Variants in SLC14A2 observed in about 807,000 individuals in gnomAD.
The protein encoded by SLC14A2 is solute carrier family 14 member 2, also known as urea transporter 2.
In SLC14A2, 91 loss-of-function variants were observed where a neutral mutation model predicts 104.6. The observed-to-expected ratio is 0.87, with a 90% CI of 0.73 to 1.04. The LOEUF (loss-of-function observed/expected upper bound fraction) is 1.04, where lower values mean the gene tolerates loss of function less well. Ranked by LOEUF, SLC14A2 falls within the 50% of genes least tolerant of loss-of-function variation. The pLI is 0.00. For missense variants in SLC14A2, 1,189 were observed against 1,156.0 expected (o/e 1.03, Z -0.41); for synonymous variants, 476 against 466.4 (o/e 1.02, Z -0.27).
intron 2 of SLC14A2, among the ~76,000 whole-genome samples, chr18:45,538,997 G>A (rs1362571745): frequency 6.6e-6 from 1 of 151,674 alleles, no homozygotes; most frequent in Non-Finnish European, 1.5e-5. Flanking sequence ...GCAGGCCTGT[G>A]TAAAGCCTAT....
chr18:45,391,340 C>G lies in SLC14A2; in HGVS notation c.-124-91893C>G, dbSNP rs367692132. 1.2e-4 allele frequency among the ~76,000 whole-genome samples: 18 copies of G among 152,172 alleles called. 1 individual carries two copies. The highest frequency in any genetic ancestry group is 2.1e-4 in the Non-Finnish European group (14 of 68,036). On this transcript the variant is annotated intron_variant, in intron 1 of 20. Coordinates refer to the SLC14A2 transcript ENST00000586448. ...CAGTCTATCATTGTTGGACATTTGG[C>G]TTAGTTCCAAGTCTTTGCTATTGTG...
chr18:45,183,698 T>C, the SLC14A2 span, among the ~76,000 whole-genome samples: 2 of 151,588 alleles, frequency 1.3e-5, no homozygotes, highest in Non-Finnish European at 2.9e-5. Context: ...TTTCTCTCTG[T>C]CTCTCCTTCT....
At chr18:45,266,835 A>G (rs552328004) in intron 1 of SLC14A2, among the ~76,000 whole-genome samples, 1 of 152,306 alleles carries the variant, frequency 6.6e-6, no homozygotes, top group Admixed American at 6.5e-5. Context: ...GCTATAGGTC[A>G]GGGGTAAGGA....
intron 2 of SLC14A2, among the ~76,000 whole-genome samples, chr18:45,595,308 T>C (rs2044706070): frequency 6.6e-6 from 1 of 152,202 alleles, no homozygotes; most frequent in Non-Finnish European, 1.5e-5. Context: ...ATAGTTAACA[T>C]TTATTTTGCA....
intron 1 of SLC14A2, among the ~76,000 whole-genome samples, chr18:45,370,373 A>G (rs1363151733): frequency 6.6e-6 from 1 of 152,190 alleles, no homozygotes; most frequent in Non-Finnish European, 1.5e-5. Flanking sequence ...CAACTCTATC[A>G]TCTGCTCCGT....
At chr18:45,547,650 C>A (rs2043992116) in intron 2 of SLC14A2, among the ~76,000 whole-genome samples, 1 of 152,192 alleles carries the variant, frequency 6.6e-6, no homozygotes, top group South Asian at 2.1e-4. Context: ...ATTTAGTCTC[C>A]TTGACCCTTG....
At chr18:45,658,894 A>T (rs1323046875) in intron 10 of SLC14A2, among the ~76,000 whole-genome samples, 1 of 152,194 alleles carries the variant, frequency 6.6e-6, no homozygotes, top group East Asian at 1.9e-4. Context: ...ATCATGGCTC[A>T]TAACTGTTCT....
At chr18:45,217,655 T>A (rs2084022956) in intron 1 of SLC14A2, among the ~76,000 whole-genome samples, 1 of 152,208 alleles carries the variant, frequency 6.6e-6, no homozygotes, top group African/African-American at 2.4e-5. Context: ...ATAGACATGT[T>A]TTCTTGTAAG....
chr18:45,617,801 T>C (rs1485565553), intron 1 of SLC14A2, among the ~76,000 whole-genome samples: 1 of 152,098 alleles, frequency 6.6e-6, no homozygotes, highest in African/African-American at 2.4e-5. Context: ...GTGAAGCCAG[T>C]GCTCCCAGGG....
intron 1 of SLC14A2, among the ~76,000 whole-genome samples, chr18:45,331,254 A>G (rs1674746485): frequency 1.3e-5 from 2 of 152,226 alleles, no homozygotes; most frequent in South Asian, 4.1e-4. Flanking sequence ...AGTCTCCTGT[A>G]ATATCCCCTT....
chr18:45,431,558 T>TA (rs1380172828), intron 1 of SLC14A2, among the ~76,000 whole-genome samples: 1 of 152,242 alleles, frequency 6.6e-6, no homozygotes, highest in African/African-American at 2.4e-5. Flanking sequence ...GACAGTCACC[T>TA]AGCAAAGAAT....
intron 1 of SLC14A2, among the ~76,000 whole-genome samples, chr18:45,253,441 T>G (rs1006206447): frequency 8.6e-5 from 13 of 151,746 alleles, no homozygotes; most frequent in African/African-American, 3.2e-4. Context: ...CAATGCTTCT[T>G]AAAATAGTTG....
intron 1 of SLC14A2, among the ~76,000 whole-genome samples, chr18:45,357,125 C>T (rs1396283994): frequency 6.6e-6 from 1 of 152,012 alleles, no homozygotes; most frequent in East Asian, 1.9e-4. Flanking sequence ...GAGGAAGCTA[C>T]AGTGCTAAGA....
At chr18:45,360,763 T>G (rs1053374044) in intron 1 of SLC14A2, among the ~76,000 whole-genome samples, 37 of 152,192 alleles carry the variant, frequency 2.4e-4, no homozygotes, top group African/African-American at 8.9e-4. Flanking sequence ...GCCAACAATT[T>G]TAAAAATATG....
intron 2 of SLC14A2, among the ~76,000 whole-genome samples, chr18:45,598,743 T>G (rs1049582983): frequency 1.3e-5 from 2 of 152,192 alleles, no homozygotes; most frequent in East Asian, 1.9e-4. Context: ...TTGTCCTGAC[T>G]TTCTAACAAT....
At chr18:45,611,753 A>G (rs2044975084), upstream of SLC14A2, among the ~76,000 whole-genome samples, 1 of 152,114 alleles carries the variant, frequency 6.6e-6, no homozygotes, top group African/African-American at 2.4e-5. Context: ...TCCTGTGTCA[A>G]CTCACTGTGT....
At chr18:45,499,885 G>A (rs539644596) in intron 2 of SLC14A2, among the ~76,000 whole-genome samples, 12 of 152,274 alleles carry the variant, frequency 7.9e-5, no homozygotes, top group East Asian at 5.8e-4. Context: ...AGACCAGGGC[G>A]CCTGCCATTT....
chr18:45,498,840 C>T (rs893218775), intron 2 of SLC14A2, among the ~76,000 whole-genome samples: 30 of 152,202 alleles, frequency 2.0e-4, no homozygotes, highest in Non-Finnish European at 1.8e-4. Flanking sequence ...AAGGTTTCTG[C>T]ACTCACTGTC....
rs766949156 is a variant in SLC14A2 at position 45,669,323 on chromosome 18, C to T, written c.2054C>T (p.Ala685Val). 2.4e-5 allele frequency: 39 copies of T among 1,612,890 alleles called. No homozygotes were observed. Among genetic ancestry groups the T allele is most frequent in the Admixed American group, 3.3e-5 (2 of 59,972 alleles). The change falls in exon 16 of 20, where the codon GCC (alanine) becomes GTC (valine). Residue 685 changes from alanine (A) to valine (V), a missense_variant. Ala to Val is a moderately conservative substitution (Grantham distance 64). Coordinates refer to ENST00000255226, the MANE Select transcript of SLC14A2 (RefSeq NM_007163.4). ...GCCATCAGCCCCATCCTCTCCAGTG[C>T]CCTGGGTACCATCTTCAGCAAGTGG... is the stretch of plus-strand genomic sequence containing the variant. The part of the protein sequence containing the change: ...MSMSCPILSS[A>V]LGTIFSKWDL...
Sources: gnomAD v4.1 joint callset for allele counts (sites outside exome capture counted in the v4.1 genomes callset) on GRCh38, gnomAD v4.1.1 for gene constraint, MANE v1.5 for transcripts, NCBI Gene and HGNC (gene_info 2026-07-23, HGNC 2026-07-21) for gene names.